Variants in OLFM1 observed in about 807,000 individuals in gnomAD.
OLFM1 encodes the protein olfactomedin 1.
OLFM1 carries 9 observed loss-of-function variants against 49.7 expected under a neutral mutation model. That is an observed-to-expected ratio of 0.18 (90% CI 0.11 to 0.32). The LOEUF (loss-of-function observed/expected upper bound fraction) is 0.32, where lower values mean the gene tolerates loss of function less well. Ranked by LOEUF, OLFM1 falls within the 10% of genes least tolerant of loss-of-function variation. OLFM1 has a pLI of 1.00. For synonymous variants in OLFM1, 240 were observed against 271.8 expected (o/e 0.88, Z 1.15); for missense variants, 369 against 661.8 (o/e 0.56, Z 4.85).
rs865929558 is a variant in OLFM1, at chr9:135,109,226, C to T, written c.783+2371C>T. ...CTGTTTTTGTATCACCTTCCTTTGT[C>T]GTAGGGAGCACTAGTCAAGTTATCG... On this transcript the variant is annotated intron_variant, in intron 5 of 5. Coordinates refer to ENST00000371793, the MANE Select transcript of OLFM1 (RefSeq NM_001282611.2). Among the ~76,000 whole-genome samples the T allele has an allele frequency of 3.0e-4, 45 of 152,290 alleles. 1 individual carries two copies. The highest frequency in any genetic ancestry group is 9.1e-4 in the African/African-American group (38 of 41,550).
chr9:135,110,102 C>T (rs1831001791), intron 5 of OLFM1, among the ~76,000 whole-genome samples: 1 of 152,212 alleles, frequency 6.6e-6, no homozygotes, highest in Non-Finnish European at 1.5e-5. Context: ...TCCTTCCCGC[C>T]CGTCCCATTG....
intron 5 of OLFM1, among the ~76,000 whole-genome samples, chr9:135,112,672 G>A (rs1472702273): frequency 1.3e-5 from 2 of 152,236 alleles, no homozygotes; most frequent in Non-Finnish European, 2.9e-5. Flanking sequence ...TTGGGCGGGC[G>A]TCTCCTGGGC....
At position 135,119,965 on chromosome 9, in the gene OLFM1, C is replaced by A; in HGVS notation, c.1245C>A (p.Thr415=). The A allele has an allele frequency of 6.2e-7, 1 of 1,613,694 alleles. No homozygotes were observed. The highest frequency in any genetic ancestry group is 8.5e-7 in the Non-Finnish European group (1 of 1,180,014). The part of the protein sequence containing the change: ...AFIICGTLYV[T]NGYSGGTKVH... ...TCATCTGCGGCACGCTGTACGTCAC[C>A]AACGGCTACTCAGGGGGTACCAAGG... The change falls in exon 6 of 6, where the codon ACC becomes ACA. Residue 415 remains threonine, a synonymous_variant. Transcript: ENST00000371793.
chr9:135,089,218 C>G (rs1482339697), intron 1 of OLFM1, among the ~76,000 whole-genome samples: 1 of 152,238 alleles, frequency 6.6e-6, no homozygotes, highest in Non-Finnish European at 1.5e-5. Flanking sequence ...CTGCCGGTCC[C>G]GATCTTCTGG....
intron 3 of OLFM1, among the ~76,000 whole-genome samples, chr9:135,097,209 A>C (rs899602988): frequency 6.6e-6 from 1 of 152,220 alleles, no homozygotes; most frequent in Non-Finnish European, 1.5e-5. Context: ...AAATAGATGA[A>C]ATGGCAAGCT....
chr9:135,077,139 T>A, intron 1 of OLFM1: 1 of 1,549,382 alleles, frequency 6.5e-7, no homozygotes, highest in Non-Finnish European at 8.7e-7. Context: ...GACAGATGCA[T>A]TCATTCATGT....
upstream of OLFM1, among the ~76,000 whole-genome samples, chr9:135,085,375 T>C (rs531080275): frequency 1.3e-5 from 2 of 152,374 alleles, no homozygotes; most frequent in East Asian, 3.9e-4. Context: ...ATGACATTTA[T>C]AAGACGAGGA....
chr9:135,110,480 C>G (rs1205084193), intron 5 of OLFM1, among the ~76,000 whole-genome samples: 3 of 152,172 alleles, frequency 2.0e-5, no homozygotes, highest in Non-Finnish European at 2.9e-5. Context: ...TTTCAAAGTC[C>G]TTTCCCATCA....
upstream of OLFM1, chr9:135,087,301 GTC>G (rs1473533828): frequency 7.3e-6 from 11 of 1,510,730 alleles, no homozygotes; most frequent in Non-Finnish European, 8.8e-6. Flanking sequence ...GGACGGCGCC[GTC>G]TCTCTGCCGG....
At chr9:135,087,200 T>G, upstream of OLFM1, 1 of 1,391,130 alleles carries the variant, frequency 7.2e-7, no homozygotes, top group South Asian at 1.6e-5. Context: ...TCTGGCTGCT[T>G]TTCGGAGCCT....
At chr9:135,077,746 C>T (rs564914193) in intron 1 of OLFM1, among the ~76,000 whole-genome samples, 3 of 152,342 alleles carry the variant, frequency 2.0e-5, no homozygotes, top group African/African-American at 7.2e-5. Context: ...GAGGCACCTC[C>T]CACCCTCATG....
At chr9:135,094,492 G>C (rs889009566) in intron 2 of OLFM1, among the ~76,000 whole-genome samples, 2 of 151,998 alleles carry the variant, frequency 1.3e-5, no homozygotes, top group Non-Finnish European at 2.9e-5. Context: ...AGTGACAGAG[G>C]AAGACAACAA....
chr9:135,087,723 G>A lies in OLFM1; in HGVS notation c.-267G>A, dbSNP rs988613337. 77 of 389,782 alleles carry A rather than the reference G, an allele frequency of 2.0e-4. No individual in the cohort carries two copies. Among genetic ancestry groups the A allele is most frequent in the Non-Finnish European group, 2.5e-4 (72 of 284,822 alleles). The allele number at this position is 389,782 out of a possible 1,614,324, so 24.1% of individuals were successfully genotyped here. On this transcript the variant is annotated 5_prime_UTR_variant, in exon 1 of 6. Transcript: ENST00000371793. ...GAGGAGCCCGGAGGGACGCAGCCGGGCAAGGCAGGGCGCAGGGCGGGCGGC... is the reference window on the plus strand; with the variant it reads ...GAGGAGCCCGGAGGGACGCAGCCGGACAAGGCAGGGCGCAGGGCGGGCGGC...
At position 135,075,726 on chromosome 9, in the gene OLFM1, G is replaced by A. The variant is rs779099593; in HGVS notation, c.20G>A (p.Trp7Ter). ...CCCTGCATGCCAGGTCGTTGGAGGT[G>A]GCAGCGAGACATGCACCCGGCCCGG... Residue 7 changes from tryptophan (W) to a stop codon, truncating the protein, a stop_gained, in exon 1 of 6, where the codon TGG (tryptophan) becomes TAG (stop). Transcript: ENST00000252854. LOFTEE classifies it high-confidence loss of function. 2 of 1,602,458 alleles carry A rather than the reference G, an allele frequency of 1.2e-6. No individual in the cohort carries two copies. The highest frequency in any genetic ancestry group is 1.1e-5 in the South Asian group (1 of 90,228).
At chr9:135,107,832 A>T (rs7859316) in intron 5 of OLFM1, among the ~76,000 whole-genome samples, 125,938 of 152,220 alleles carry the variant, frequency 0.83, 52,412 homozygotes, top group African/African-American at 0.88. Flanking sequence ...GCGGGTTTGA[A>T]GGAAGGGATG....
chr9:135,093,894 G>T (rs1830748188), intron 2 of OLFM1, among the ~76,000 whole-genome samples: 1 of 152,184 alleles, frequency 6.6e-6, no homozygotes, highest in East Asian at 1.9e-4. Context: ...GAGAGTAATT[G>T]TTTGGTTTTA....
Position 135,088,624 on chromosome 9 carries a change from G to C in OLFM1, c.150+485G>C, listed in dbSNP as rs559500088. Among the ~76,000 whole-genome samples the C allele has an allele frequency of 3.9e-5, 6 of 152,018 alleles. No individual in the cohort carries two copies. The highest frequency in any genetic ancestry group is 2.1e-4 in the South Asian group (1 of 4,824). On this transcript the variant is annotated intron_variant, in intron 1 of 5. Coordinates refer to ENST00000371793, the MANE Select transcript of OLFM1 (RefSeq NM_001282611.2). The surrounding 1 kb of genome is among the most constrained non-coding windows in gnomAD (Gnocchi z 4.8). ...TTGTAAAAGCCAGACTGGCCGGACC[G>C]GGCTGGGAGTGGGGCCCCAGCCGGT...
intron 2 of OLFM1, among the ~76,000 whole-genome samples, chr9:135,091,639 A>ACACACTCACATAGT (rs1830696757): frequency 1.3e-5 from 2 of 150,318 alleles, no homozygotes; most frequent in Non-Finnish European, 2.9e-5. Flanking sequence ...ACATAGTCAC[A>ACACACTCACATAGT]CACACTCACA....
At chr9:135,100,723 T>C (rs975735461) in intron 4 of OLFM1, among the ~76,000 whole-genome samples, 2 of 152,192 alleles carry the variant, frequency 1.3e-5, no homozygotes, top group African/African-American at 4.8e-5. Flanking sequence ...GAGTTTCAGC[T>C]GCCTCCTCCT....
Sources: gnomAD v4.1 joint callset for allele counts (sites outside exome capture counted in the v4.1 genomes callset) on GRCh38, gnomAD v4.1.1 for gene constraint, Gnocchi (gnomAD v3.1) non-coding constraint, MANE v1.5 for transcripts, NCBI Gene and HGNC (gene_info 2026-07-23, HGNC 2026-07-21) for gene names.